Variants in DDI2 observed in about 807,000 individuals in gnomAD.
DDI2 encodes DDI proteasomal shuttling factor 2.
In DDI2, 5 loss-of-function variants were observed where a neutral mutation model predicts 48.1. That is an observed-to-expected ratio of 0.10 (90% CI 0.05 to 0.22). DDI2 has a LOEUF of 0.22. Among genes scored for constraint, DDI2 ranks in the 10% least tolerant of loss-of-function variants. The pLI is 1.00. For synonymous variants in DDI2, 205 were observed against 183.6 expected (o/e 1.12, Z -0.94); for missense variants, 285 against 506.2 (o/e 0.56, Z 4.19).
At position 15,651,698 on chromosome 1, in the gene DDI2, C is replaced by G; in HGVS notation, c.994-8C>G. ...TCTGCTATTATTCTTTGGTTTCTTT[C>G]TTCCAAGTGTTCCATCGACCTGAAG... is the stretch of plus-strand genomic sequence containing the variant. On this transcript the variant is annotated splice_polypyrimidine_tract_variant and splice_region_variant and intron_variant, in intron 7 of 9. Coordinates refer to ENST00000480945, the MANE Select transcript of DDI2 (RefSeq NM_032341.5). 2 of 1,591,734 alleles carry G rather than the reference C, an allele frequency of 1.3e-6. No individual in the cohort carries two copies. The highest frequency in any genetic ancestry group is 1.7e-6 in the Non-Finnish European group (2 of 1,171,322).
intron 6 of DDI2, among the ~76,000 whole-genome samples, chr1:15,644,587 GTTT>G (rs138470671): frequency 0.025 from 1,466 of 57,532 alleles, 7 homozygotes; most frequent in African/African-American, 0.11. Flanking sequence ...AGTTTTTTTT[GTTT>G]TTTTTTTTTT....
intron 8 of DDI2, among the ~76,000 whole-genome samples, chr1:15,652,481 C>A (rs1429069734): frequency 1.1e-5 from 1 of 91,188 alleles, no homozygotes; most frequent in African/African-American, 4.3e-5. Context: ...CACCTGAGGT[C>A]AGGAGTTTGA....
chr1:15,631,929 C>T (rs1262210273), intron 3 of DDI2, among the ~76,000 whole-genome samples: 1 of 151,996 alleles, frequency 6.6e-6, no homozygotes, highest in Non-Finnish European at 1.5e-5. Flanking sequence ...CCTCAGTGTC[C>T]CAAGTAGCTG....
intron 3 of DDI2, 55 bp from the exon 4 acceptor site, chr1:15,633,384 T>G (rs1483823880): frequency 1.3e-6 from 2 of 1,589,490 alleles, no homozygotes; most frequent in Non-Finnish European, 8.6e-7. Context: ...GGAAAAGTAC[T>G]GATAAACGTT....
rs538643367 is a variant in DDI2 at position 15,663,135 on chromosome 1, A to T, written c.*3345A>T. ...TTTATTGAAAAGAATTTTGAGATTCATAATTTCTGATTCTAGATTATAGTT... is the reference window on the plus strand; with the variant it reads ...TTTATTGAAAAGAATTTTGAGATTCTTAATTTCTGATTCTAGATTATAGTT... On this transcript the variant is annotated 3_prime_UTR_variant, in exon 10 of 10. Transcript: ENST00000480945. 1 of 152,346 alleles carries T rather than the reference A, an allele frequency of 6.6e-6. No individual in the cohort carries two copies. The highest frequency in any genetic ancestry group is 2.1e-4 in the South Asian group (1 of 4,834). The allele number at this position is 152,346 out of a possible 1,614,324, so 9.4% of individuals were successfully genotyped here.
intron 5 of DDI2, among the ~76,000 whole-genome samples, chr1:15,639,708 A>G (rs1484142962): frequency 6.6e-6 from 1 of 152,094 alleles, no homozygotes; most frequent in Admixed American, 6.6e-5. Flanking sequence ...AACTCTCATT[A>G]AGAGTTTGTA....
intron 1 of DDI2, among the ~76,000 whole-genome samples, chr1:15,620,279 G>A (rs1486564798): frequency 6.6e-6 from 1 of 152,016 alleles, no homozygotes; most frequent in African/African-American, 2.4e-5. Context: ...GGTGTCTGGT[G>A]GTCGGTTGTC....
At position 15,652,457 on chromosome 1, in the gene DDI2, G is replaced by A. The variant is rs985793133; in HGVS notation, c.1183+562G>A. Among the ~76,000 whole-genome samples, 7 of 102,126 alleles carry A rather than the reference G, an allele frequency of 6.9e-5. 1 individual carries two copies. Among genetic ancestry groups the A allele is most frequent in the African/African-American group, 1.8e-4 (5 of 28,078 alleles). The allele number at this position is 102,126 out of a possible 152,430, so 67.0% of individuals were successfully genotyped here. On this transcript the variant is annotated intron_variant, in intron 8 of 9. Transcript: ENST00000480945. ...ACTTTGGGAGGCTCCGGAGGGGGGG[G>A]GGGGGGGGCGGATCACCTGAGGTCA...
At position 15,660,348 on chromosome 1, in the gene DDI2, T is replaced by A. The variant is rs770313474; in HGVS notation, c.*558T>A. 2 of 1,614,056 alleles carry A rather than the reference T, an allele frequency of 1.2e-6. No homozygotes were observed. The highest frequency in any genetic ancestry group is 1.1e-5 in the South Asian group (1 of 91,086). ...GGCATCCAGAAAATCAGAACCTGAG[T>A]CAAGTGAGTGACCCTCAGCAGCACG... On this transcript the variant is annotated 3_prime_UTR_variant, in exon 10 of 10. Coordinates refer to ENST00000480945, the MANE Select transcript of DDI2 (RefSeq NM_032341.5).
At position 15,643,419 on chromosome 1, in the gene DDI2, G is replaced by A. The variant is rs190514174; in HGVS notation, c.761-103G>A. 2.8e-5 allele frequency: 42 copies of A among 1,501,366 alleles called. No homozygotes were observed. The East Asian group carries it at 9.1e-4, about 32-fold the overall frequency. 93.0% of individuals were successfully genotyped at this position (1,501,366 alleles called of 1,614,324 possible). ...TGAGTTTATAGAGACCAAAGCCTTG[G>A]GGTGTGCTTGGTTTTCGCTTTGTTA... On this transcript the variant is annotated intron_variant, in intron 5 of 9. Transcript: ENST00000480945.
At chr1:15,652,332 A>G (rs1640199280) in intron 8 of DDI2, among the ~76,000 whole-genome samples, 1 of 150,978 alleles carries the variant, frequency 6.6e-6, no homozygotes, top group South Asian at 2.1e-4. Context: ...TGCTGGGATT[A>G]CAGGTGTGAG....
intron 1 of DDI2, among the ~76,000 whole-genome samples, chr1:15,622,053 C>T (rs116278639): frequency 2.5e-3 from 382 of 152,046 alleles, no homozygotes; most frequent in African/African-American, 8.8e-3. Context: ...GTTTTGTGGC[C>T]GGTTTATGGT....
chr1:15,619,430 C>T (rs1220192180), intron 1 of DDI2, among the ~76,000 whole-genome samples: 2 of 149,130 alleles, frequency 1.3e-5, no homozygotes, highest in Admixed American at 6.7e-5. Flanking sequence ...CCGGACAACT[C>T]TTCAATTTTT....
chr1:15,651,981 C>G lies in DDI2; in HGVS notation c.1183+86C>G, dbSNP rs187798574. 2.0e-4 allele frequency: 277 copies of G among 1,363,066 alleles called. 3 individuals carry two copies. In the Middle Eastern group the frequency reaches 2.4e-3, roughly 12 times the overall value. 84.4% of individuals were successfully genotyped at this position (1,363,066 alleles called of 1,614,324 possible). ...GGCTTCAGAAGGGGTAGGAACCTTT[C>G]CAGTTTTTAATTAGTCTCATGGTCC... On this transcript the variant is annotated intron_variant, in intron 8 of 9. Transcript: ENST00000480945.
At chr1:15,633,040 G>C (rs950278963) in intron 3 of DDI2, among the ~76,000 whole-genome samples, 2 of 146,844 alleles carry the variant, frequency 1.4e-5, no homozygotes, top group South Asian at 2.1e-4. Context: ...CCCCACCCTT[G>C]AACCCCCATC....
chr1:15,638,374 G>A lies in DDI2; in HGVS notation c.700G>A (p.Val234Met), dbSNP rs1209727040. Residue 234 changes from valine to methionine, a missense_variant, in exon 5 of 10, where the codon GTG becomes ATG. By Grantham distance (21) the Val-to-Met change is conservative. Coordinates refer to ENST00000480945, the MANE Select transcript of DDI2 (RefSeq NM_032341.5). Reference sequence around the variant, plus strand: ...GGCTCCGGAAAGTTTTGGCCAAGTAGTGATGCTTTATATTAACTGCAAAGT... The same window carrying A: ...GGCTCCGGAAAGTTTTGGCCAAGTAATGATGCTTTATATTAACTGCAAAGT... ...EEAPESFGQV[V>M]MLYINCKVNG... 5.6e-6 allele frequency: 9 copies of A among 1,613,988 alleles called. No homozygotes were observed. Among genetic ancestry groups the A allele is most frequent in the Non-Finnish European group, 4.2e-6 (5 of 1,179,980 alleles).
At chr1:15,638,529 A>AAT in intron 5 of DDI2, 95 bp downstream of exon 5, 162 of 787,712 alleles carry the variant, frequency 2.1e-4, no homozygotes, top group Non-Finnish European at 2.5e-4. Context: ...AGATGGCTGT[A>AAT]CTTTTTTTTT....
At chr1:15,643,981 C>T (rs1445512522) in intron 6 of DDI2, among the ~76,000 whole-genome samples, 2 of 152,090 alleles carry the variant, frequency 1.3e-5, no homozygotes, top group East Asian at 3.8e-4. Flanking sequence ...TTGCTGTTTA[C>T]TCATATGACT....
intron 1 of DDI2, among the ~76,000 whole-genome samples, chr1:15,623,884 C>T (rs1639711113): frequency 6.6e-6 from 1 of 151,968 alleles, no homozygotes; most frequent in African/African-American, 2.4e-5. Context: ...CATGGTGAAA[C>T]CCCGTCTCTA....
Sources: allele counts gnomAD v4.1 joint callset (sites outside exome capture counted in the v4.1 genomes callset), GRCh38; gene constraint gnomAD v4.1.1; transcripts MANE v1.5; gene names NCBI Gene and HGNC (gene_info 2026-07-23, HGNC 2026-07-21).